Variants in PTPRD observed in about 807,000 individuals in gnomAD.
PTPRD encodes receptor-type tyrosine-protein phosphatase delta.
In PTPRD, 34 loss-of-function variants were observed where a neutral mutation model predicts 214.5. The ratio of observed to expected loss-of-function variants is 0.16; its 90% confidence interval spans 0.12 to 0.21. The LOEUF is 0.21. Ranked by LOEUF, PTPRD falls within the 10% of genes least tolerant of loss-of-function variation. PTPRD has a pLI of 1.00. For missense variants in PTPRD, 2,545 were observed against 2,398.7 expected (o/e 1.06, Z -1.27); for synonymous variants, 1,128 against 845.7 (o/e 1.33, Z -5.79).
At chr9:10,553,346 A>ATTT (rs35758149) in intron 2 of PTPRD, among the ~76,000 whole-genome samples, 1 of 146,494 alleles carries the variant, frequency 6.8e-6, no homozygotes, top group Non-Finnish European at 1.5e-5. Context: ...AACAATCTTT[A>ATTT]TTTTTTTTTT....
At chr9:9,192,592 TTTGA>T (rs1251557777) in intron 9 of PTPRD, among the ~76,000 whole-genome samples, 1 of 152,122 alleles carries the variant, frequency 6.6e-6, no homozygotes, top group Non-Finnish European at 1.5e-5. Flanking sequence ...CTCAGAGGGC[TTTGA>T]TTAAGATGAT....
intron 14 of PTPRD, among the ~76,000 whole-genome samples, chr9:8,604,744 G>T (rs778373416): frequency 4.6e-5 from 7 of 152,200 alleles, no homozygotes; most frequent in Non-Finnish European, 7.3e-5. Flanking sequence ...GAGTTTGGTG[G>T]AATAAGGAGG....
At chr9:8,439,556 A>T (rs952804454) in intron 34 of PTPRD, among the ~76,000 whole-genome samples, 4 of 152,226 alleles carry the variant, frequency 2.6e-5, no homozygotes, top group Admixed American at 6.5e-5. Flanking sequence ...CAAAATGTAT[A>T]CACAGTCTAT....
intron 2 of PTPRD, among the ~76,000 whole-genome samples, chr9:10,465,363 C>T (rs56770787): frequency 0.044 from 6,695 of 152,010 alleles, 512 homozygotes; most frequent in African/African-American, 0.15. Flanking sequence ...TTTTTTGAGT[C>T]CAAGTAGATG....
intron 4 of PTPRD, among the ~76,000 whole-genome samples, chr9:10,027,512 G>C (rs1225235054): frequency 6.6e-6 from 1 of 152,164 alleles, no homozygotes; most frequent in African/African-American, 2.4e-5. Flanking sequence ...ATTTGGTCAA[G>C]TGTAAGCATG....
chr9:9,736,962 T>C (rs1208424075), intron 6 of PTPRD, among the ~76,000 whole-genome samples: 4 of 152,098 alleles, frequency 2.6e-5, no homozygotes, highest in Non-Finnish European at 4.4e-5. Flanking sequence ...TCATCTTTAC[T>C]TATGTGTCCT....
chr9:9,319,182 A>C (rs1965100381), intron 9 of PTPRD, among the ~76,000 whole-genome samples: 1 of 152,206 alleles, frequency 6.6e-6, no homozygotes, highest in African/African-American at 2.4e-5. Flanking sequence ...CCTTGAAAAC[A>C]GAATGAATGA....
intron 11 of PTPRD, among the ~76,000 whole-genome samples, chr9:8,878,282 A>T (rs2098412248): frequency 6.6e-6 from 1 of 152,148 alleles, no homozygotes; most frequent in African/African-American, 2.4e-5. Context: ...TTCCGGGCAC[A>T]GACAATACTT....
At chr9:9,585,113 A>G (rs565478016) in intron 7 of PTPRD, among the ~76,000 whole-genome samples, 7 of 151,914 alleles carry the variant, frequency 4.6e-5, no homozygotes, top group Admixed American at 2.0e-4. Context: ...TTTTTGTTTC[A>G]TTATGTTTTT....
At chr9:9,525,638 C>G (rs147245359) in intron 8 of PTPRD, among the ~76,000 whole-genome samples, 26 of 151,510 alleles carry the variant, frequency 1.7e-4, no homozygotes, top group Admixed American at 1.6e-3. Context: ...GTGATTAAAT[C>G]ATAGGTTAAT....
intron 2 of PTPRD, among the ~76,000 whole-genome samples, chr9:10,366,783 C>T (rs1457513996): frequency 6.6e-6 from 1 of 152,010 alleles, no homozygotes; most frequent in Non-Finnish European, 1.5e-5. Flanking sequence ...GTTTTGATGC[C>T]ACATACATAC....
At chr9:9,151,651 G>T (rs1032990065) in intron 10 of PTPRD, among the ~76,000 whole-genome samples, 2 of 152,118 alleles carry the variant, frequency 1.3e-5, no homozygotes, top group Non-Finnish European at 2.9e-5. Flanking sequence ...TAATTTTAGA[G>T]GCTATTGTAG....
At chr9:9,969,391 G>T (rs1272963680) in intron 4 of PTPRD, among the ~76,000 whole-genome samples, 1 of 152,098 alleles carries the variant, frequency 6.6e-6, no homozygotes, top group African/African-American at 2.4e-5. Flanking sequence ...GGGTACCCTT[G>T]AAAGGTTTTA....
intron 11 of PTPRD, among the ~76,000 whole-genome samples, chr9:8,822,722 C>G (rs1037824105): frequency 6.6e-6 from 1 of 152,114 alleles, no homozygotes; most frequent in Non-Finnish European, 1.5e-5. Context: ...CATAGGAAAC[C>G]AAAGCTAACA....
chr9:9,686,958 G>C (rs879516737), intron 7 of PTPRD, among the ~76,000 whole-genome samples: 18 of 151,770 alleles, frequency 1.2e-4, no homozygotes, highest in African/African-American at 4.1e-4. Flanking sequence ...ATAAGACATT[G>C]TCCCTGCCTT....
intron 3 of PTPRD, among the ~76,000 whole-genome samples, chr9:10,035,021 G>A (rs932812563): frequency 6.6e-6 from 1 of 152,108 alleles, no homozygotes; most frequent in Non-Finnish European, 1.5e-5. Flanking sequence ...TCTTTGAGTA[G>A]TCTCCACACT....
chr9:9,879,642 A>G (rs968924234), intron 5 of PTPRD, among the ~76,000 whole-genome samples: 1 of 152,192 alleles, frequency 6.6e-6, no homozygotes, highest in African/African-American at 2.4e-5. Context: ...TATACTGACT[A>G]AAATTGACAG....
chr9:8,633,987 G>C (rs571776990), intron 13 of PTPRD, among the ~76,000 whole-genome samples: 1 of 151,872 alleles, frequency 6.6e-6, no homozygotes, highest in Non-Finnish European at 1.5e-5. Context: ...GGCAGCCAAC[G>C]AGACAGCTTT....
At chr9:10,482,279 G>A (rs929525421) in intron 2 of PTPRD, among the ~76,000 whole-genome samples, 2 of 151,996 alleles carry the variant, frequency 1.3e-5, no homozygotes, top group Non-Finnish European at 2.9e-5. Flanking sequence ...GCTGAGGCAG[G>A]AGAATGGCAT....
Sources: allele counts gnomAD v4.1 joint callset (sites outside exome capture counted in the v4.1 genomes callset), GRCh38; gene constraint gnomAD v4.1.1; transcripts MANE v1.5; gene names NCBI Gene and HGNC (gene_info 2026-07-23, HGNC 2026-07-21).